The following SBF2 variants were observed in gnomAD, a reference collection of about 807,000 sequenced individuals.
SBF2 encodes myotubularin-related protein 13.
A neutral mutation model predicts 225.2 loss-of-function variants in SBF2; 112 were observed. That is an observed-to-expected ratio of 0.50 (90% CI 0.43 to 0.58). The LOEUF (loss-of-function observed/expected upper bound fraction) is 0.58. Among genes scored for constraint, SBF2 ranks in the 20% least tolerant of loss-of-function variants. The pLI is 0.00. For synonymous variants in SBF2, 763 were observed against 773.3 expected (o/e 0.99, Z 0.22); for missense variants, 1,996 against 2,206.2 (o/e 0.90, Z 1.91).
At chr11:10,226,545 G>A (rs1211391279) in intron 1 of SBF2, among the ~76,000 whole-genome samples, 2 of 146,782 alleles carry the variant, frequency 1.4e-5, no homozygotes. Flanking sequence ...TGTTCTCATT[G>A]TTCAATTCCC....
intron 1 of SBF2, among the ~76,000 whole-genome samples, chr11:10,258,021 C>G (rs1425582179): frequency 4.0e-5 from 6 of 150,746 alleles, no homozygotes; most frequent in African/African-American, 1.5e-4. Flanking sequence ...TAGGACATAT[C>G]AGAATTTTTA....
chr11:10,035,692 T>C (rs985576863), intron 3 of SBF2, among the ~76,000 whole-genome samples: 2 of 152,038 alleles, frequency 1.3e-5, no homozygotes, highest in African/African-American at 4.8e-5. Flanking sequence ...ATCAGAGAAA[T>C]GCAAATCAAA....
At chr11:9,836,772 A>T (rs770305536) in intron 26 of SBF2, among the ~76,000 whole-genome samples, 2 of 152,266 alleles carry the variant, frequency 1.3e-5, no homozygotes, top group South Asian at 4.1e-4. Flanking sequence ...TATTCCATGT[A>T]GAGGTCTTGC....
intron 16 of SBF2, among the ~76,000 whole-genome samples, chr11:9,908,375 C>A (rs113128408): frequency 6.6e-6 from 1 of 152,122 alleles, no homozygotes; most frequent in African/African-American, 2.4e-5. Context: ...CCTGTAATCC[C>A]AGCACTTTGG....
chr11:9,936,853 T>A (rs934712767), intron 16 of SBF2, among the ~76,000 whole-genome samples: 3 of 152,118 alleles, frequency 2.0e-5, no homozygotes, highest in Non-Finnish European at 4.4e-5. Context: ...CTAATGTAAA[T>A]GACAAGTTCA....
intron 28 of SBF2, among the ~76,000 whole-genome samples, chr11:9,819,710 G>A (rs1854646970): frequency 6.6e-6 from 1 of 152,202 alleles, no homozygotes; most frequent in Admixed American, 6.5e-5. Context: ...CATATTGAAG[G>A]AGAATGGCGA....
Position 10,193,958 on chromosome 11 carries a change from G to T in SBF2, c.85C>A (p.Gln29Lys), listed in dbSNP as rs1393327716. 6.2e-7 allele frequency: 1 copy of T among 1,612,674 alleles called. No homozygotes were observed. The highest frequency in any genetic ancestry group is 1.7e-5 in the Admixed American group (1 of 60,010). Reference protein sequence around the residue: ...GSGEGLGKIIQRFPQKDWDDT... With the variant: ...GSGEGLGKIIKRFPQKDWDDT... ...TCCCAGTCCTTCTGTGGAAATCTCT[G>T]GATTATTTTCCCCAGACCTTCTCCT... is the stretch of plus-strand genomic sequence containing the variant. The change falls in exon 2 of 40, where the codon CAG (glutamine) becomes AAG (lysine). Residue 29 changes from glutamine (Q) to lysine (K), a missense_variant. Coordinates refer to ENST00000256190, the MANE Select transcript of SBF2 (RefSeq NM_030962.4).
intron 1 of SBF2, among the ~76,000 whole-genome samples, chr11:10,221,779 T>C (rs1591246753): frequency 6.6e-6 from 1 of 152,212 alleles, no homozygotes; most frequent in Admixed American, 6.5e-5. Flanking sequence ...CAGTCAGTAC[T>C]TGGAAGAGTA....
intron 16 of SBF2, among the ~76,000 whole-genome samples, chr11:9,946,453 CTT>C (rs140447383): frequency 2.9e-4 from 41 of 142,606 alleles, no homozygotes; most frequent in Non-Finnish European, 3.5e-4. Flanking sequence ...TTCTTTCTTT[CTT>C]TTTTTTTTTT....
chr11:9,831,824 A>C (rs373711895), intron 27 of SBF2, among the ~76,000 whole-genome samples: 1 of 152,208 alleles, frequency 6.6e-6, no homozygotes, highest in African/African-American at 2.4e-5. Context: ...TGGATATCTC[A>C]TATCACATGG....
intron 2 of SBF2, among the ~76,000 whole-genome samples, chr11:10,096,424 T>TTA (rs747744995): frequency 1.6e-4 from 20 of 126,044 alleles, no homozygotes; most frequent in Non-Finnish European, 2.2e-4. Flanking sequence ...CAAAGTTCTG[T>TTA]AAAAAAAAAA....
At chr11:9,882,585 G>GTT (rs1859877190) in intron 17 of SBF2, among the ~76,000 whole-genome samples, 1 of 151,952 alleles carries the variant, frequency 6.6e-6, no homozygotes, top group South Asian at 2.1e-4. Flanking sequence ...AAGGCGGGCG[G>GTT]ATCACAAAGT....
At chr11:10,010,980 A>G (rs1054352794) in intron 6 of SBF2, among the ~76,000 whole-genome samples, 2 of 151,996 alleles carry the variant, frequency 1.3e-5, no homozygotes, top group Admixed American at 1.3e-4. Context: ...ATTCCTAGGT[A>G]TTTTATTCTC....
At chr11:9,791,676 A>G (rs964241041) in intron 33 of SBF2, among the ~76,000 whole-genome samples, 1 of 152,250 alleles carries the variant, frequency 6.6e-6, no homozygotes, top group Non-Finnish European at 1.5e-5. Context: ...AAGTTCAAGT[A>G]ACTCCAATGT....
rs192557548 is a variant in SBF2, at chr11:10,265,083, T to C, written c.55+28932A>G. On this transcript the variant is annotated intron_variant, in intron 1 of 39. Transcript: ENST00000256190. ...TTACAGCAGAATGATTTATAATCCT[T>C]TGGGTACATACTCAGTAACAGGATT... Among the ~76,000 whole-genome samples the C allele has an allele frequency of 6.0e-4, 92 of 152,290 alleles. No individual in the cohort carries two copies. In the East Asian group the frequency reaches 0.014, roughly 23 times the overall value.
rs929039268 is a variant in SBF2, at chr11:10,013,431, T to C, written c.620-10742A>G. Among the ~76,000 whole-genome samples, 4 of 152,236 alleles carry C rather than the reference T, an allele frequency of 2.6e-5. No individual in the cohort carries two copies. The East Asian group carries it at 5.8e-4, about 22-fold the overall frequency. On this transcript the variant is annotated intron_variant, in intron 6 of 39. Transcript: ENST00000256190. ...AGATAAGAATGCTGCAGACTCCTGCTGTTTTTACACAAAGTTCTAGCATGA... is the reference window on the plus strand; with the variant it reads ...AGATAAGAATGCTGCAGACTCCTGCCGTTTTTACACAAAGTTCTAGCATGA...
intron 1 of SBF2, among the ~76,000 whole-genome samples, chr11:10,224,211 T>C (rs1442544940): frequency 6.6e-6 from 1 of 152,134 alleles, no homozygotes; most frequent in East Asian, 1.9e-4. Context: ...ACCAAATAAT[T>C]TTCCAATATA....
At chr11:10,004,189 GA>G (rs898555744) in intron 6 of SBF2, among the ~76,000 whole-genome samples, 3 of 151,790 alleles carry the variant, frequency 2.0e-5, no homozygotes, top group South Asian at 2.1e-4. Context: ...TAGAATAATG[GA>G]AAAAAACTAA....
At chr11:10,145,738 T>A (rs1039039700) in intron 2 of SBF2, among the ~76,000 whole-genome samples, 1 of 152,192 alleles carries the variant, frequency 6.6e-6, no homozygotes, top group Non-Finnish European at 1.5e-5. Flanking sequence ...TGCTCTATAC[T>A]AATGTCACAA....
Sources: allele counts gnomAD v4.1 joint callset (sites outside exome capture counted in the v4.1 genomes callset), GRCh38; gene constraint gnomAD v4.1.1; transcripts MANE v1.5; gene names NCBI Gene and HGNC (gene_info 2026-07-23, HGNC 2026-07-21).